The following PPP4R3A variants were observed in gnomAD, a reference collection of about 807,000 sequenced individuals.
PPP4R3A encodes the protein serine/threonine-protein phosphatase 4 regulatory subunit 3A.
PPP4R3A carries 15 observed loss-of-function variants against 91.7 expected under a neutral mutation model. The observed-to-expected ratio is 0.16, with a 90% confidence interval of 0.11 to 0.25. PPP4R3A has a LOEUF of 0.25. Ranked by LOEUF, PPP4R3A falls within the 10% of genes least tolerant of loss-of-function variation. The pLI, the probability that PPP4R3A is intolerant of heterozygous loss-of-function variation, is 1.00. For synonymous variants in PPP4R3A, 377 were observed against 348.7 expected (o/e 1.08, Z -0.91); for missense variants, 623 against 998.4 (o/e 0.62, Z 5.07).
intron 1 of PPP4R3A, among the ~76,000 whole-genome samples, chr14:91,504,603 A>C (rs1891172689): frequency 1.5e-5 from 1 of 67,540 alleles, no homozygotes; most frequent in African/African-American, 5.4e-5. Flanking sequence ...ACACTGACTC[A>C]AAAAAAAAAA....
At position 91,465,314 on chromosome 14, in the gene PPP4R3A, T is replaced by C. The variant is rs757094294; in HGVS notation, c.1766A>G (p.Asn589Ser). 6 of 1,609,366 alleles carry C rather than the reference T, an allele frequency of 3.7e-6. No individual in the cohort carries two copies. In the African/African-American group the frequency reaches 6.7e-5, roughly 18 times the overall value. ...CATCAGATTGTAGCGGGATCCATTG[T>C]TGAGAAATGCTTTCACTACTGGTTC... Reference protein sequence around the residue: ...LFEPVVKAFLNNGSRYNLMNS... With the variant: ...LFEPVVKAFLSNGSRYNLMNS... The change falls in exon 11 of 15, where the codon AAC becomes AGC. Residue 589 changes from asparagine (N) to serine (S), a missense_variant. Coordinates refer to ENST00000554943, the MANE Select transcript of PPP4R3A (RefSeq NM_001366432.2).
At chr14:91,491,442 T>C (rs945311435) in intron 1 of PPP4R3A, among the ~76,000 whole-genome samples, 1 of 151,852 alleles carries the variant, frequency 6.6e-6, no homozygotes, top group Non-Finnish European at 1.5e-5. Flanking sequence ...AGAGTCTCAC[T>C]CTGTTGCCAG....
chr14:91,479,033 C>T (rs2140107283), intron 4 of PPP4R3A, among the ~76,000 whole-genome samples: 1 of 152,274 alleles, frequency 6.6e-6, no homozygotes, highest in East Asian at 1.9e-4. Flanking sequence ...CCTGTCTCAG[C>T]CTCTGGAGTA....
rs755562698 is a variant in PPP4R3A at position 91,476,998 on chromosome 14, A to G, written c.916-12T>C. The G allele has an allele frequency of 6.3e-7, 1 of 1,583,042 alleles. No homozygotes were observed. The highest frequency in any genetic ancestry group is 2.3e-5 in the East Asian group (1 of 44,156). Reference sequence around the variant, plus strand: ...AATTTTTCATCTTCCTGTGAAACAAAGGACAAATGCAATTATGTTAATGCT... The same window carrying G: ...AATTTTTCATCTTCCTGTGAAACAAGGGACAAATGCAATTATGTTAATGCT... On this transcript the variant is annotated splice_polypyrimidine_tract_variant and intron_variant, in intron 4 of 14. Transcript: ENST00000554943.
intron 1 of PPP4R3A, among the ~76,000 whole-genome samples, chr14:91,493,429 A>C (rs747996367): frequency 3.3e-5 from 5 of 150,772 alleles, no homozygotes; most frequent in Non-Finnish European, 7.4e-5. Context: ...GAATCTCAAG[A>C]CTACAGTGAG....
intron 3 of PPP4R3A, 48 bp from the exon 4 acceptor site, chr14:91,482,241 G>A: frequency 1.3e-6 from 2 of 1,526,114 alleles, no homozygotes; most frequent in Non-Finnish European, 1.7e-6. Context: ...CAGGTGACCA[G>A]CAAACCTAAA....
chr14:91,487,231 C>CA (rs1211916552), intron 2 of PPP4R3A, among the ~76,000 whole-genome samples: 1 of 113,352 alleles, frequency 8.8e-6, no homozygotes, highest in Non-Finnish European at 1.6e-5. Flanking sequence ...GCCTGGGTGA[C>CA]AGAGTGAGAG....
Position 91,507,511 on chromosome 14 carries a change from A to G in PPP4R3A, c.142+1995T>C, listed in dbSNP as rs995002129. Among the ~76,000 whole-genome samples the G allele has an allele frequency of 1.3e-4, 18 of 140,532 alleles. 2 individuals carry two copies. Among genetic ancestry groups the G allele is most frequent in the African/African-American group, 4.1e-4 (15 of 36,210 alleles). 92.2% of individuals were successfully genotyped at this position (140,532 alleles called of 152,430 possible). On this transcript the variant is annotated intron_variant, in intron 1 of 14. Coordinates refer to ENST00000554943, the MANE Select transcript of PPP4R3A (RefSeq NM_001366432.2). Reference sequence around the variant, plus strand: ...TATACTATATAGAATATATGCTATAATTATATATACTATAGTTATATATAC... The same window carrying G: ...TATACTATATAGAATATATGCTATAGTTATATATACTATAGTTATATATAC...
At chr14:91,481,464 A>T (rs1341760929) in intron 4 of PPP4R3A, 112 bp downstream of exon 4, 1 of 1,122,782 alleles carries the variant, frequency 8.9e-7, no homozygotes, top group Admixed American at 3.3e-5. Flanking sequence ...AATAACTCAC[A>T]ATACTTAACT....
chr14:91,489,198 C>T (rs6575199), intron 2 of PPP4R3A, among the ~76,000 whole-genome samples: 74,727 of 151,934 alleles, frequency 0.49, 18,712 homozygotes, highest in Admixed American at 0.53. Context: ...TGAGCCACCA[C>T]GCCTGGCTGG....
chr14:91,509,408 C>G, intron 1 of PPP4R3A, 98 bp downstream of exon 1: 2 of 1,501,666 alleles, frequency 1.3e-6, no homozygotes, highest in Non-Finnish European at 1.8e-6. Context: ...AGCCGTCCCT[C>G]TGTTCTCGTG....
rs1183393445 is a variant in PPP4R3A at position 91,459,358 on chromosome 14, G to C, written c.2392-489C>G. On this transcript the variant is annotated intron_variant, in intron 14 of 14. Transcript: ENST00000554943. ...TGACCTCAGGCGATCCACCTACCTT[G>C]GACTCCCAAAGTGCTGGGATTACAG... is the stretch of plus-strand genomic sequence containing the variant. 4.6e-5 allele frequency among the ~76,000 whole-genome samples: 7 copies of C among 152,058 alleles called. No homozygotes were observed. In the South Asian group the frequency reaches 1.0e-3, roughly 23 times the overall value.
intron 1 of PPP4R3A, among the ~76,000 whole-genome samples, chr14:91,505,507 T>C (rs900084005): frequency 2.6e-5 from 4 of 151,372 alleles, no homozygotes; most frequent in African/African-American, 9.7e-5. Context: ...TATCACACTA[T>C]CTCTAGCACT....
At chr14:91,476,038 A>G in intron 6 of PPP4R3A, 72 bp from the exon 7 acceptor site, 4 of 1,391,932 alleles carry the variant, frequency 2.9e-6, no homozygotes, top group Non-Finnish European at 3.8e-6. Flanking sequence ...AAATATCCAA[A>G]CCTAACAAAA....
chr14:91,494,958 G>C lies in PPP4R3A; in HGVS notation c.143-4156C>G, dbSNP rs555273143. 2.0e-5 allele frequency among the ~76,000 whole-genome samples: 3 copies of C among 152,274 alleles called. No homozygotes were observed. In the South Asian group the frequency reaches 6.2e-4, roughly 32 times the overall value. On this transcript the variant is annotated intron_variant, in intron 1 of 14. Transcript: ENST00000554943. ...CAAGACAATAACAAGCGGTGACAAG[G>C]CTGTAGAGAAATGGGAAGCTTCATA...
intron 4 of PPP4R3A, among the ~76,000 whole-genome samples, chr14:91,477,590 C>G (rs1405316824): frequency 2.6e-5 from 4 of 152,130 alleles, no homozygotes; most frequent in South Asian, 4.1e-4. Context: ...GGTGGCAGAG[C>G]CTTCATGATT....
intron 1 of PPP4R3A, among the ~76,000 whole-genome samples, chr14:91,494,010 C>T (rs190293363): frequency 0.013 from 1,919 of 145,232 alleles, 154 homozygotes; most frequent in African/African-American, 0.042. Context: ...ATAATCTGCC[C>T]GCCTCGGCAG....
chr14:91,483,281 T>C (rs1889682760), intron 3 of PPP4R3A, among the ~76,000 whole-genome samples: 1 of 152,184 alleles, frequency 6.6e-6, no homozygotes, highest in African/African-American at 2.4e-5. Context: ...GAAACTTAAA[T>C]TGCTTAGCGT....
intron 3 of PPP4R3A, among the ~76,000 whole-genome samples, chr14:91,484,305 G>C (rs930676431): frequency 1.3e-5 from 2 of 152,172 alleles, no homozygotes; most frequent in African/African-American, 4.8e-5. Context: ...CTGTGCTAAG[G>C]ACACTATATC....
Sources: gnomAD v4.1 joint callset for allele counts (sites outside exome capture counted in the v4.1 genomes callset) on GRCh38, gnomAD v4.1.1 for gene constraint, MANE v1.5 for transcripts, NCBI Gene and HGNC (gene_info 2026-07-23, HGNC 2026-07-21) for gene names.